Variants in B4GALT1 observed in about 807,000 individuals in gnomAD.
B4GALT1 encodes the protein beta-1,4-galactosyltransferase 1.
B4GALT1 carries 16 observed loss-of-function variants against 34.9 expected under a neutral mutation model. The observed-to-expected ratio is 0.46, with a 90% confidence interval of 0.31 to 0.70. The LOEUF (loss-of-function observed/expected upper bound fraction) is 0.70. B4GALT1 is among the 30% of genes least tolerant of loss of function. The pLI, the probability that B4GALT1 is intolerant of heterozygous loss-of-function variation, is 0.05. For synonymous variants in B4GALT1, 221 were observed against 218.1 expected, an observed-to-expected ratio of 1.01 and a Z score of -0.12; for missense variants, 445 against 530.5, an observed-to-expected ratio of 0.84 and a Z score of 1.58.
At chr9:33,180,145 T>A in the B4GALT1 span, among the ~76,000 whole-genome samples, 1 of 152,108 alleles carries the variant, frequency 6.6e-6, no homozygotes, top group East Asian at 1.9e-4. Context: ...CAAGTGATCC[T>A]CCCACCTCAG....
chr9:33,154,578 C>A lies in B4GALT1; in HGVS notation c.412+12180G>T, dbSNP rs558275659. On this transcript the variant is annotated intron_variant, in intron 1 of 5. Coordinates refer to ENST00000379731, the MANE Select transcript of B4GALT1 (RefSeq NM_001497.4). Reference sequence around the variant, plus strand: ...TGGTTGGCATGTAATAAGTGCTGAACAAGCATTATCTTTCGTTCAGTGATG... The same window carrying A: ...TGGTTGGCATGTAATAAGTGCTGAAAAAGCATTATCTTTCGTTCAGTGATG... Among the ~76,000 whole-genome samples, 35 of 152,322 alleles carry A rather than the reference C, an allele frequency of 2.3e-4. No individual in the cohort carries two copies. The South Asian group carries it at 4.1e-3, about 18-fold the overall frequency.
At chr9:33,159,024 A>G (rs967261338) in intron 1 of B4GALT1, among the ~76,000 whole-genome samples, 4 of 152,156 alleles carry the variant, frequency 2.6e-5, no homozygotes, top group Non-Finnish European at 4.4e-5. Flanking sequence ...TCTAAATGTC[A>G]GGCGCTACCC....
At chr9:33,105,880 G>GTTTTTTTTTTTTTTTTTTTTT (rs35330697), downstream of B4GALT1, among the ~76,000 whole-genome samples, 2 of 85,732 alleles carry the variant, frequency 2.3e-5, no homozygotes, top group Non-Finnish European at 4.3e-5. Context: ...GGACTCGTGG[G>GTTTTTTTTTTTTTTTTTTTTT]TTTTTTTTTT....
intron 1 of B4GALT1, among the ~76,000 whole-genome samples, chr9:33,158,048 T>C (rs1224591842): frequency 1.3e-5 from 2 of 152,210 alleles, no homozygotes; most frequent in Non-Finnish European, 2.9e-5. Context: ...ATGAAATCCT[T>C]AGCAGAAGCC....
intron 1 of B4GALT1, among the ~76,000 whole-genome samples, chr9:33,164,970 A>ATTTTTTTTTTTTTTTTTTTTT (rs534464885): frequency 1.9e-5 from 2 of 107,580 alleles, no homozygotes; most frequent in Non-Finnish European, 3.7e-5. Context: ...GAGTGCCCGT[A>ATTTTTTTTTTTTTTTTTTTTT]TTTTTTTTTT....
intron 2 of B4GALT1, among the ~76,000 whole-genome samples, chr9:33,122,169 C>A (rs932455981): frequency 1.3e-5 from 2 of 152,074 alleles, no homozygotes; most frequent in African/African-American, 4.8e-5. Context: ...TAGGGGCTTG[C>A]GACTGGTACA....
chr9:33,138,673 T>C (rs1370193685), intron 1 of B4GALT1, among the ~76,000 whole-genome samples: 2 of 152,146 alleles, frequency 1.3e-5, no homozygotes, highest in African/African-American at 2.4e-5. Flanking sequence ...AGGTCTTTGG[T>C]TTAAGCACAT....
At chr9:33,110,003 C>G (rs1259812379), downstream of B4GALT1, among the ~76,000 whole-genome samples, 1 of 152,236 alleles carries the variant, frequency 6.6e-6, no homozygotes, top group African/African-American at 2.4e-5. Flanking sequence ...CCCCAGGCCA[C>G]CTTTGCACAG....
chr9:33,162,020 T>G (rs1840682305), intron 1 of B4GALT1, among the ~76,000 whole-genome samples: 1 of 152,212 alleles, frequency 6.6e-6, no homozygotes, highest in African/African-American at 2.4e-5. Flanking sequence ...AAGCTTGGAC[T>G]GCCTTGCTAT....
intron 2 of B4GALT1, among the ~76,000 whole-genome samples, chr9:33,120,957 G>T (rs142531604): frequency 6.6e-6 from 1 of 152,284 alleles, no homozygotes; most frequent in African/African-American, 2.4e-5. Flanking sequence ...TTAAAAAGAG[G>T]CAGCTCTAAA....
At chr9:33,150,142 T>TACATATATACACACATACACACACACAC (rs3065241) in intron 1 of B4GALT1, among the ~76,000 whole-genome samples, 1 of 85,922 alleles carries the variant, frequency 1.2e-5, no homozygotes, top group Non-Finnish European at 2.4e-5. Flanking sequence ...GATATAGATA[T>TACATATATACACACATACACACACACAC]AGATATATAC....
At position 33,111,171 on chromosome 9, in the gene B4GALT1, T is replaced by C. The variant is rs1379077220; in HGVS notation, c.*2283A>G. ...GGCCCAGGTGAGCCCATGAGAGCACTACGTCAGCAAATGGGGGGAGCAGTA... is the reference window on the plus strand; with the variant it reads ...GGCCCAGGTGAGCCCATGAGAGCACCACGTCAGCAAATGGGGGGAGCAGTA... On this transcript the variant is annotated 3_prime_UTR_variant, in exon 6 of 6. Coordinates refer to ENST00000379731, the MANE Select transcript of B4GALT1 (RefSeq NM_001497.4). The C allele has an allele frequency of 1.4e-5, 2 of 138,192 alleles. No homozygotes were observed. The highest frequency in any genetic ancestry group is 3.0e-5 in the Non-Finnish European group (2 of 66,502). The allele number at this position is 138,192 out of a possible 1,614,324, so 8.6% of individuals were successfully genotyped here. A position where few individuals can be genotyped will look rare whatever the true frequency, so the allele number is the denominator to read the frequency against.
chr9:33,151,642 T>C (rs1243328805), intron 1 of B4GALT1, among the ~76,000 whole-genome samples: 6 of 152,230 alleles, frequency 3.9e-5, no homozygotes, highest in African/African-American at 1.2e-4. Flanking sequence ...ATTGAGCTAA[T>C]AGATGTTCAA....
intron 1 of B4GALT1, among the ~76,000 whole-genome samples, chr9:33,157,146 A>ACACACACACACACACACG (rs1840608497): frequency 2.0e-5 from 3 of 151,288 alleles, no homozygotes; most frequent in African/African-American, 7.3e-5. Flanking sequence ...ACACACACAC[A>ACACACACACACACACACG]CACACACACA....
At chr9:33,149,960 A>G (rs564470634) in intron 1 of B4GALT1, among the ~76,000 whole-genome samples, 9 of 152,318 alleles carry the variant, frequency 5.9e-5, no homozygotes, top group Admixed American at 1.3e-4. Context: ...CATCAAGGCT[A>G]TTATTGGGGC....
chr9:33,152,361 TAACA>T (rs1840531206), intron 1 of B4GALT1, among the ~76,000 whole-genome samples: 1 of 129,432 alleles, frequency 7.7e-6, no homozygotes, highest in African/African-American at 3.1e-5. Context: ...TAACATAACA[TAACA>T]TAACAACTTC....
intron 2 of B4GALT1, among the ~76,000 whole-genome samples, chr9:33,131,356 T>C (rs917986943): frequency 6.6e-6 from 1 of 152,208 alleles, no homozygotes; most frequent in Non-Finnish European, 1.5e-5. Flanking sequence ...AGGCAAATCC[T>C]AGCAGTGACT....
intron 1 of B4GALT1, among the ~76,000 whole-genome samples, chr9:33,141,577 ACTG>A (rs1362000924): frequency 1.3e-5 from 2 of 152,194 alleles, no homozygotes; most frequent in African/African-American, 4.8e-5. Flanking sequence ...AGCCAACAGT[ACTG>A]CTAAGTGTGA....
At chr9:33,149,415 G>GAGT (rs1245845974) in intron 1 of B4GALT1, among the ~76,000 whole-genome samples, 1 of 151,920 alleles carries the variant, frequency 6.6e-6, no homozygotes, top group Non-Finnish European at 1.5e-5. Flanking sequence ...TGAGTAGCTG[G>GAGT]AACTACAAAT....
Sources: gnomAD v4.1 joint callset for allele counts (sites outside exome capture counted in the v4.1 genomes callset) on GRCh38, gnomAD v4.1.1 for gene constraint, MANE v1.5 for transcripts, NCBI Gene and HGNC (gene_info 2026-07-23, HGNC 2026-07-21) for gene names.